Variants in MTOR observed in about 807,000 individuals in gnomAD.
MTOR encodes the protein mechanistic target of rapamycin kinase.
Under a neutral mutation model 319.8 loss-of-function variants are expected in MTOR, and 70 were observed. The ratio of observed to expected loss-of-function variants is 0.22; its 90% confidence interval spans 0.18 to 0.27. The LOEUF is 0.27. Among genes scored for constraint, MTOR ranks in the 10% least tolerant of loss-of-function variants. MTOR has a pLI of 1.00. For synonymous variants in MTOR, 1,183 were observed against 1,211.4 expected (o/e 0.98, Z 0.49); for missense variants, 1,890 against 3,274.4 (o/e 0.58, Z 10.32).
chr1:11,207,655 T>C (rs1557843926), intron 25 of MTOR, among the ~76,000 whole-genome samples: 3 of 151,746 alleles, frequency 2.0e-5, no homozygotes. Context: ...TGAAATTAAT[T>C]TTTTTCATTT....
chr1:11,148,928 G>A (rs76115203), intron 31 of MTOR, among the ~76,000 whole-genome samples: 42 of 146,550 alleles, frequency 2.9e-4, no homozygotes, highest in Middle Eastern at 3.5e-3. Context: ...GTGTGTGTGT[G>A]TATATATATA....
At chr1:11,182,970 G>C (rs2100673606) in intron 28 of MTOR, among the ~76,000 whole-genome samples, 1 of 152,254 alleles carries the variant, frequency 6.6e-6, no homozygotes, top group East Asian at 1.9e-4. Flanking sequence ...CACTTCTGCT[G>C]GAAAATATCT....
At position 11,232,536 on chromosome 1, in the gene MTOR, ATG is replaced by A; in HGVS notation, c.2422-10_2422-9del. On this transcript the variant is annotated splice_polypyrimidine_tract_variant and intron_variant, in intron 15 of 57. Transcript: ENST00000361445. ...CATTTCCAGGCCACTAACCTGCAAAATGAAAAAGAGGGTGGCAGAAAGGGTTA... is the reference window on the plus strand; with the variant it reads ...CATTTCCAGGCCACTAACCTGCAAAAAAAAAGAGGGTGGCAGAAAGGGTTA... The A allele has an allele frequency of 6.2e-7, 1 of 1,610,394 alleles. No homozygotes were observed.
chr1:11,114,944 C>A (rs1382194960), intron 51 of MTOR, 57 bp from the exon 52 acceptor site: 10 of 1,463,598 alleles, frequency 6.8e-6, no homozygotes, highest in Non-Finnish European at 9.6e-6. Flanking sequence ...TACCTGGAGC[C>A]AGGTGGAGCA....
chr1:11,207,147 G>A (rs1646162618), intron 25 of MTOR, among the ~76,000 whole-genome samples: 1 of 152,134 alleles, frequency 6.6e-6, no homozygotes, highest in Non-Finnish European at 1.5e-5. Context: ...TGCCTGTGCT[G>A]GAGTGGTGAA....
intron 28 of MTOR, among the ~76,000 whole-genome samples, chr1:11,167,835 T>G (rs368329425): frequency 2.9e-4 from 44 of 152,234 alleles, no homozygotes; most frequent in African/African-American, 1.0e-3. Flanking sequence ...TTTGGGAGGC[T>G]GAGGCGGTTG....
At chr1:11,126,570 C>T (rs995431396) in intron 46 of MTOR, 52 bp downstream of exon 46, 14 of 1,577,656 alleles carry the variant, frequency 8.9e-6, no homozygotes, top group East Asian at 4.5e-5. Context: ...GAAGGGGTCT[C>T]AGCCAGTGTA....
chr1:11,116,551 C>A (rs1343461162), intron 50 of MTOR, among the ~76,000 whole-genome samples: 1 of 152,148 alleles, frequency 6.6e-6, no homozygotes, highest in African/African-American at 2.4e-5. Context: ...CTCAAGTGAT[C>A]CTCCCACCTC....
rs1380533495 is a variant in MTOR, at chr1:11,216,207, C to G, written c.3058G>C (p.Val1020Leu). The change falls in exon 20 of 58, where the codon GTG (valine) becomes CTG (leucine). Residue 1020 changes from valine (V) to leucine (L), a missense_variant. Physicochemically the swap from Val to Leu is conservative, Grantham distance 32 (BLOSUM62 1). This residue lies in a region of MTOR where 377 missense variants were observed against 653.9 expected (regional missense o/e 0.58). Coordinates refer to ENST00000361445, the MANE Select transcript of MTOR (RefSeq NM_004958.4). ...EFLFQQLGML[V>L]SFVKSHIRPY... is the part of the protein sequence containing the mutation. Reference sequence around the variant, plus strand: ...CTGATGTGGCTCTTCACAAAGGACACCAACATTCCCAGCTGCTGGAACAAA... The same window carrying G: ...CTGATGTGGCTCTTCACAAAGGACAGCAACATTCCCAGCTGCTGGAACAAA... 1 of 1,613,960 alleles carries G rather than the reference C, an allele frequency of 6.2e-7. No homozygotes were observed. The highest frequency in any genetic ancestry group is 1.1e-5 in the South Asian group (1 of 91,068).
In MTOR at chr1:11,116,987, C is replaced by G. The variant is rs1642200483; in HGVS notation, c.7016+17G>C. The G allele has an allele frequency of 6.3e-7, 1 of 1,584,334 alleles. No individual in the cohort carries two copies. The highest frequency in any genetic ancestry group is 1.9e-5 in the Admixed American group (1 of 52,692). ...AATGGAGAAAGAAGACTAAAAAAAC[C>G]AAATTAAATTACTCACCTATCTCCC... On this transcript the variant is annotated intron_variant, in intron 50 of 57. Coordinates refer to ENST00000361445, the MANE Select transcript of MTOR (RefSeq NM_004958.4).
chr1:11,244,663 C>T (rs4845858), intron 8 of MTOR, among the ~76,000 whole-genome samples: 84,001 of 152,172 alleles, frequency 0.55, 27,185 homozygotes, highest in East Asian at 0.78. Context: ...AAAAACAGTA[C>T]AGTCGTGTGC....
rs1643028613 is a variant in MTOR, at chr1:11,129,874, C to G, written c.5614-36G>C. On this transcript the variant is annotated intron_variant, in intron 39 of 57. Coordinates refer to ENST00000361445, the MANE Select transcript of MTOR (RefSeq NM_004958.4). The surrounding 1 kb of genome is among the most constrained non-coding windows in gnomAD (Gnocchi z 4.7). ...ACACACGTGTTAGCGACACTCTTGC[C>G]TCTGCTTTCTCATCTGTAAAATGGG... 6.3e-7 allele frequency: 1 copy of G among 1,576,248 alleles called. No homozygotes were observed. The highest frequency in any genetic ancestry group is 8.7e-7 in the Non-Finnish European group (1 of 1,146,494).
At chr1:11,258,759 A>C (rs1382186806) in intron 2 of MTOR, among the ~76,000 whole-genome samples, 166 bp from the exon 3 acceptor site, 2 of 152,202 alleles carry the variant, frequency 1.3e-5, no homozygotes, top group African/African-American at 4.8e-5. Flanking sequence ...AGAGTACCTG[A>C]ACTTGCAATC....
At chr1:11,113,755 G>A (rs578035176) in intron 53 of MTOR, among the ~76,000 whole-genome samples, 1 of 152,044 alleles carries the variant, frequency 6.6e-6, no homozygotes, top group Non-Finnish European at 1.5e-5. Context: ...TAGGACCACC[G>A]GCATGTGCCA....
chr1:11,182,617 G>C (rs954176069), intron 28 of MTOR, among the ~76,000 whole-genome samples: 4 of 152,076 alleles, frequency 2.6e-5, no homozygotes, highest in African/African-American at 9.7e-5. Context: ...ACAACCAGCT[G>C]CCAGCAGCTC....
intron 13 of MTOR, 105 bp downstream of exon 13, chr1:11,237,738 C>A: frequency 7.9e-7 from 1 of 1,269,344 alleles, no homozygotes; most frequent in Non-Finnish European, 1.1e-6. Flanking sequence ...CCAGGTACCT[C>A]AATCTTTCTC....
chr1:11,106,650 A>G lies in MTOR; in HGVS notation c.*835T>C, dbSNP rs1641592639. The G allele has an allele frequency of 9.1e-7, 1 of 1,101,076 alleles. No homozygotes were observed. The highest frequency in any genetic ancestry group is 1.7e-5 in the African/African-American group (1 of 59,212). The allele number at this position is 1,101,076 out of a possible 1,614,324, so 68.2% of individuals were successfully genotyped here. A position where few individuals can be genotyped will look rare whatever the true frequency, so the allele number is the denominator to read the frequency against. ...ATTTAGTTGAGTATTTGTTCTGCTCATAATTTCCAATATGTACCAGACCTT... is the reference window on the plus strand; with the variant it reads ...ATTTAGTTGAGTATTTGTTCTGCTCGTAATTTCCAATATGTACCAGACCTT... On this transcript the variant is annotated 3_prime_UTR_variant, in exon 58 of 58. Coordinates refer to ENST00000361445, the MANE Select transcript of MTOR (RefSeq NM_004958.4).
intron 28 of MTOR, among the ~76,000 whole-genome samples, chr1:11,175,667 G>A (rs921888882): frequency 3.3e-5 from 5 of 152,118 alleles, no homozygotes. Context: ...CCTGTCAGGA[G>A]TGACGGTAGA....
intron 49 of MTOR, among the ~76,000 whole-genome samples, chr1:11,118,478 G>A (rs959956485): frequency 9.9e-5 from 15 of 151,114 alleles, no homozygotes; most frequent in Admixed American, 2.6e-4. Context: ...CTCGTGATCC[G>A]CCCGCCTCGG....
Sources: allele counts gnomAD v4.1 joint callset (sites outside exome capture counted in the v4.1 genomes callset), GRCh38; gene constraint gnomAD v4.1.1; regional missense constraint gnomAD v4.1.1; non-coding constraint Gnocchi (gnomAD v3.1); transcripts MANE v1.5; gene names NCBI Gene and HGNC (gene_info 2026-07-23, HGNC 2026-07-21).